JAML: variants seen among roughly 807,000 people sequenced by gnomAD.
JAML encodes the protein junctional adhesion molecule-like.
Under a neutral mutation model 39.3 loss-of-function variants are expected in JAML, and 25 were observed. That is an observed-to-expected ratio of 0.64 (90% CI 0.46 to 0.89). JAML has a LOEUF of 0.89. JAML is among the 40% of genes least tolerant of loss of function. JAML has a pLI of 0.00. For missense variants in JAML, 440 were observed against 486.9 expected (o/e 0.90, Z 0.91); for synonymous variants, 162 against 179.2 (o/e 0.90, Z 0.77).
At chr11:118,198,170 G>T in intron 7 of JAML, 79 bp from the exon 8 acceptor site, 1 of 1,181,122 alleles carries the variant, frequency 8.5e-7, no homozygotes, top group Non-Finnish European at 1.3e-6. Context: ...TCCCCTCTTG[G>T]CTTCGTGAAG....
At chr11:118,201,047 G>A (rs11216812) in intron 6 of JAML, 36,668 of 163,892 alleles carry the variant, frequency 0.22, 4,774 homozygotes, top group African/African-American at 0.36. Flanking sequence ...TGCCCATATG[G>A]AACCTTCTAC....
At chr11:118,217,834 T>A (rs929820260) in intron 1 of JAML, among the ~76,000 whole-genome samples, 1 of 152,200 alleles carries the variant, frequency 6.6e-6, no homozygotes, top group African/African-American at 2.4e-5. Context: ...CCATCCTGGA[T>A]CCGAGCCTGT....
intron 7 of JAML, among the ~76,000 whole-genome samples, chr11:118,198,566 A>G (rs1187582970): frequency 6.6e-6 from 1 of 151,822 alleles, no homozygotes; most frequent in Non-Finnish European, 1.5e-5. Context: ...CCCAAGCCCC[A>G]AGCAGGAGCT....
In JAML at chr11:118,217,410, A is replaced by G. The variant is rs186287747; in HGVS notation, c.-20-2524T>C. Among the ~76,000 whole-genome samples the G allele has an allele frequency of 1.6e-4, 24 of 152,368 alleles. No homozygotes were observed. The East Asian group carries it at 4.4e-3, about 28-fold the overall frequency. On this transcript the variant is annotated intron_variant, in intron 1 of 9. Coordinates refer to ENST00000356289, the MANE Select transcript of JAML (RefSeq NM_001098526.2). ...ACAAATGCTAAGAAACATGAGTATC[A>G]TGAATGGAAAACGCTCATTGTCAGT...
At chr11:118,219,880 G>T (rs1053707333) in intron 1 of JAML, among the ~76,000 whole-genome samples, 1 of 152,226 alleles carries the variant, frequency 6.6e-6, no homozygotes, top group African/African-American at 2.4e-5. Flanking sequence ...CTGGTGAGAA[G>T]TCACCACCCA....
intron 9 of JAML, among the ~76,000 whole-genome samples, chr11:118,195,981 G>A (rs1331478912): frequency 6.6e-6 from 1 of 151,068 alleles, no homozygotes; most frequent in Admixed American, 6.6e-5. Flanking sequence ...ACAGGTGCCC[G>A]CCACCATGCC....
At chr11:118,218,090 A>C (rs1481157599) in intron 1 of JAML, among the ~76,000 whole-genome samples, 2 of 152,000 alleles carry the variant, frequency 1.3e-5, no homozygotes, top group Non-Finnish European at 2.9e-5. Context: ...TCCCCAAGCC[A>C]CATGTCTTTT....
rs1948597079 is a variant in JAML at position 118,193,929 on chromosome 11, A to T, written c.*396T>A. On this transcript the variant is annotated 3_prime_UTR_variant, in exon 10 of 10. Transcript: ENST00000356289. ...GGCATAAAAATAGGACGATTTCCAC[A>T]AACAACACTTATTTAGAAATAATGT... is the stretch of plus-strand genomic sequence containing the variant. The T allele has an allele frequency of 5.3e-6, 1 of 189,512 alleles. No homozygotes were observed. The highest frequency in any genetic ancestry group is 2.3e-5 in the African/African-American group (1 of 43,268). The allele number at this position is 189,512 out of a possible 1,614,324, so 11.7% of individuals were successfully genotyped here.
chr11:118,214,678 G>T, intron 2 of JAML, 146 bp downstream of exon 2: 2 of 818,444 alleles, frequency 2.4e-6, no homozygotes, highest in Non-Finnish European at 2.0e-6. Flanking sequence ...AACAACAGCT[G>T]CTTCAACAAA....
At chr11:118,206,055 T>C (rs1948909675) in intron 4 of JAML, 64 bp from the exon 5 acceptor site, 3 of 1,424,558 alleles carry the variant, frequency 2.1e-6, no homozygotes, top group Non-Finnish European at 3.0e-6. Flanking sequence ...AAAGAATTTC[T>C]AGAAGAGATC....
At chr11:118,212,702 G>C (rs758595178) in intron 2 of JAML, 141 bp from the exon 3 acceptor site, 2 of 1,502,204 alleles carry the variant, frequency 1.3e-6, no homozygotes, top group Non-Finnish European at 1.8e-6. Flanking sequence ...ATGTTCAAAG[G>C]CAGCATGGCA....
intron 1 of JAML, among the ~76,000 whole-genome samples, chr11:118,219,687 G>T (rs183560672): frequency 1.3e-5 from 2 of 152,104 alleles, no homozygotes; most frequent in East Asian, 3.9e-4. Context: ...ATTTGCTGCC[G>T]GTGACATCGG....
chr11:118,215,034 C>T, intron 1 of JAML, 148 bp from the exon 2 acceptor site: 1 of 640,612 alleles, frequency 1.6e-6, no homozygotes, highest in Non-Finnish European at 2.7e-6. Flanking sequence ...GGTCCCAGCT[C>T]ATTTGCAGTT....
chr11:118,219,571 C>A (rs1949187304), intron 1 of JAML, among the ~76,000 whole-genome samples: 1 of 152,248 alleles, frequency 6.6e-6, no homozygotes, highest in Non-Finnish European at 1.5e-5. Flanking sequence ...TGCCTCTTTG[C>A]AGACAGTGCC....
At chr11:118,214,092 A>G (rs1481389414) in intron 2 of JAML, among the ~76,000 whole-genome samples, 2 of 152,210 alleles carry the variant, frequency 1.3e-5, no homozygotes, top group African/African-American at 2.4e-5. Context: ...AGAAAAGGCT[A>G]TGAGAGCAAA....
intron 1 of JAML, among the ~76,000 whole-genome samples, chr11:118,221,514 G>A (rs1949209307): frequency 6.6e-6 from 1 of 152,240 alleles, no homozygotes; most frequent in Admixed American, 6.5e-5. Context: ...GTTCACCATA[G>A]GGTTCATGCT....
chr11:118,200,331 G>A (rs984966911), intron 7 of JAML, 143 bp downstream of exon 7: 5 of 1,009,492 alleles, frequency 5.0e-6, no homozygotes, highest in Non-Finnish European at 7.1e-6. Context: ...AAGTGGGCAG[G>A]GTTACCACAG....
At chr11:118,194,509 G>C in intron 9 of JAML, 92 bp from the exon 10 acceptor site, 1 of 1,000,970 alleles carries the variant, frequency 1.0e-6, no homozygotes, top group African/African-American at 1.6e-5. Context: ...CTTCTCATGA[G>C]CCCGGCCCAG....
chr11:118,203,269 G>A (rs893284695), intron 6 of JAML, 159 bp downstream of exon 6: 15 of 767,234 alleles, frequency 2.0e-5, no homozygotes, highest in African/African-American at 1.2e-4. Flanking sequence ...CACCTCTAAG[G>A]AGGCATCATT....
Sources: allele counts gnomAD v4.1 joint callset (sites outside exome capture counted in the v4.1 genomes callset), GRCh38; gene constraint gnomAD v4.1.1; transcripts MANE v1.5; gene names NCBI Gene and HGNC (gene_info 2026-07-23, HGNC 2026-07-21).